Variants in RMST observed in about 807,000 individuals in gnomAD.
The protein encoded by RMST is long intergenic non-protein coding RNA 54.
chr12:97,546,035 AAGT>A (rs1335838486), intron 11 of RMST, among the ~76,000 whole-genome samples: 1 of 152,130 alleles, frequency 6.6e-6, no homozygotes, highest in Non-Finnish European at 1.5e-5. Flanking sequence ...CACAAAAAGA[AAGT>A]AGGAACTGTT....
At chr12:97,532,301 A>G (rs543974469) in intron 11 of RMST, among the ~76,000 whole-genome samples, 8 of 152,084 alleles carry the variant, frequency 5.3e-5, no homozygotes, top group African/African-American at 1.9e-4. Flanking sequence ...ATAGGCATTC[A>G]GTAGGTATTT....
At chr12:97,495,176 TG>T (rs112974508) in intron 9 of RMST, among the ~76,000 whole-genome samples, 5 of 146,448 alleles carry the variant, frequency 3.4e-5, no homozygotes, top group Non-Finnish European at 6.0e-5. Context: ...ATTATTCTTA[TG>T]GGGGGGGAGC....
chr12:97,537,527 AAAATT>A (rs1882164668), intron 11 of RMST, among the ~76,000 whole-genome samples: 1 of 151,332 alleles, frequency 6.6e-6, no homozygotes, highest in Non-Finnish European at 1.5e-5. Context: ...GCTTTTTTGC[AAAATT>A]ACACATTTTT....
intron 11 of RMST, among the ~76,000 whole-genome samples, chr12:97,543,264 C>T (rs912372733): frequency 6.6e-6 from 1 of 152,020 alleles, no homozygotes; most frequent in Non-Finnish European, 1.5e-5. Context: ...CCGCACCAAG[C>T]CTTTTTGTCA....
At chr12:97,536,316 A>C (rs556172992) in intron 11 of RMST, among the ~76,000 whole-genome samples, 166 of 150,812 alleles carry the variant, frequency 1.1e-3, no homozygotes, top group African/African-American at 3.8e-3. Context: ...TGAAAAAAAA[A>C]CTTTTTTTCT....
intron 13 of RMST, among the ~76,000 whole-genome samples, chr12:97,561,458 C>T (rs950677948): frequency 5.9e-5 from 9 of 151,320 alleles, no homozygotes; most frequent in East Asian, 2.0e-4. Flanking sequence ...ATTTTTGGAA[C>T]GGGAAAAAAA....
intron 11 of RMST, among the ~76,000 whole-genome samples, chr12:97,542,202 T>C (rs1031913692): frequency 1.3e-5 from 2 of 151,828 alleles, no homozygotes; most frequent in African/African-American, 4.8e-5. Flanking sequence ...GTCTATAAAA[T>C]TGAGTTGATC....
chr12:97,564,889 T>G (rs1884412738), exon 14 of RMST: 1 of 152,226 alleles, frequency 6.6e-6, no homozygotes, highest in Non-Finnish European at 1.5e-5. Flanking sequence ...CTGTTTAATA[T>G]TGACTATGGA....
At chr12:97,474,072 G>A (rs1434027711) in intron 5 of RMST, among the ~76,000 whole-genome samples, 2 of 152,078 alleles carry the variant, frequency 1.3e-5, no homozygotes, top group African/African-American at 2.4e-5. Flanking sequence ...GACAGTGTAC[G>A]GTATTCTGTG....
intron 10 of RMST, among the ~76,000 whole-genome samples, chr12:97,515,820 T>C (rs1202360934): frequency 1.3e-5 from 2 of 152,082 alleles, no homozygotes; most frequent in East Asian, 3.8e-4. Context: ...TCTGAAAATA[T>C]ATGTTTATGT....
intron 10 of RMST, among the ~76,000 whole-genome samples, chr12:97,525,138 C>T (rs763363443): frequency 7.9e-5 from 12 of 152,268 alleles, no homozygotes; most frequent in East Asian, 3.9e-4. Flanking sequence ...CATAGAAATG[C>T]GGTTTGTCTC....
intron 4 of RMST, chr12:97,464,753 C>T (rs533212357): frequency 6.6e-6 from 1 of 152,222 alleles, no homozygotes; most frequent in Non-Finnish European, 1.5e-5. Context: ...GGGGACTTAG[C>T]AGTCTTTTTT....
At chr12:97,494,471 G>A (rs2136458824) in intron 8 of RMST, among the ~76,000 whole-genome samples, 1 of 152,222 alleles carries the variant, frequency 6.6e-6, no homozygotes, top group African/African-American at 2.4e-5. Context: ...GACCCCTTGA[G>A]CCCAGGAATT....
At chr12:97,538,137 C>T (rs1412843942) in intron 11 of RMST, among the ~76,000 whole-genome samples, 1 of 151,216 alleles carries the variant, frequency 6.6e-6, no homozygotes, top group Non-Finnish European at 1.5e-5. Context: ...TGGATGTTTT[C>T]CTTTTGCACC....
intron 11 of RMST, among the ~76,000 whole-genome samples, chr12:97,544,127 G>T (rs764939347): frequency 1.3e-5 from 2 of 151,918 alleles, no homozygotes; most frequent in Non-Finnish European, 2.9e-5. Flanking sequence ...AACACTCCAG[G>T]TTTTGATGCT....
At chr12:97,561,163 A>G (rs981401364) in intron 13 of RMST, 17 of 152,208 alleles carry the variant, frequency 1.1e-4, no homozygotes, top group African/African-American at 3.9e-4. Flanking sequence ...AGCATTTGTC[A>G]GGTTGTTGAC....
At chr12:97,542,056 T>C (rs1311546685) in intron 11 of RMST, among the ~76,000 whole-genome samples, 1 of 151,936 alleles carries the variant, frequency 6.6e-6, no homozygotes, top group Non-Finnish European at 1.5e-5. Context: ...CATGTATTCC[T>C]TCAACAAGCA....
At chr12:97,495,861 TGTC>T (rs1877359512) in intron 9 of RMST, 1 of 152,166 alleles carries the variant, frequency 6.6e-6, no homozygotes, top group Non-Finnish European at 1.5e-5. Flanking sequence ...CTTGCTTTGT[TGTC>T]GTCCTTCTGG....
At chr12:97,513,614 T>TA (rs2136526270) in intron 10 of RMST, among the ~76,000 whole-genome samples, 1 of 152,290 alleles carries the variant, frequency 6.6e-6, no homozygotes, top group East Asian at 1.9e-4. Context: ...AAAGAGGGAA[T>TA]TAGCTCTTAT....
Sources: allele counts gnomAD v4.1 joint callset (sites outside exome capture counted in the v4.1 genomes callset), GRCh38; gene constraint gnomAD v4.1.1; transcripts MANE v1.5; gene names NCBI Gene and HGNC (gene_info 2026-07-23, HGNC 2026-07-21).